Variants in PDE6A observed in about 807,000 individuals in gnomAD.
PDE6A encodes phosphodiesterase 6A.
A neutral mutation model predicts 106.3 loss-of-function variants in PDE6A; 84 were observed. The observed-to-expected ratio is 0.79, with a 90% CI of 0.66 to 0.95. The LOEUF (loss-of-function observed/expected upper bound fraction) is 0.95. PDE6A is among the 40% of genes least tolerant of loss of function. PDE6A has a pLI of 0.00. For missense variants in PDE6A, 1,052 were observed against 1,084.9 expected, an observed-to-expected ratio of 0.97 and a Z score of 0.43; for synonymous variants, 394 against 386.6, an observed-to-expected ratio of 1.02 and a Z score of -0.23.
intron 2 of PDE6A, among the ~76,000 whole-genome samples, chr5:149,934,298 A>C (rs951993562): frequency 1.3e-5 from 2 of 152,298 alleles, no homozygotes; most frequent in Non-Finnish European, 2.9e-5. Context: ...CATTTTACAA[A>C]TAAGAAAACC....
At chr5:149,930,444 C>T (rs1753998598) in intron 4 of PDE6A, among the ~76,000 whole-genome samples, 1 of 152,192 alleles carries the variant, frequency 6.6e-6, no homozygotes, top group African/African-American at 2.4e-5. Context: ...TGATTAGCCT[C>T]ATAAGGCAGA....
At chr5:149,906,163 T>A (rs1246801398) in intron 7 of PDE6A, among the ~76,000 whole-genome samples, 1 of 152,022 alleles carries the variant, frequency 6.6e-6, no homozygotes, top group East Asian at 1.9e-4. Context: ...CTGCCAGAGT[T>A]ATCTTTCTAA....
chr5:149,889,403 T>C (rs1182650261), intron 13 of PDE6A, among the ~76,000 whole-genome samples: 1 of 151,908 alleles, frequency 6.6e-6, no homozygotes, highest in Non-Finnish European at 1.5e-5. Context: ...CTATAAGTAT[T>C]TAACTTTCTG....
intron 12 of PDE6A, 36 bp downstream of exon 12, chr5:149,896,320 A>G: frequency 1.3e-6 from 2 of 1,550,726 alleles, no homozygotes; most frequent in Non-Finnish European, 1.8e-6. Flanking sequence ...AAAGAAAATT[A>G]AAAAGGGAAA....
At chr5:149,936,963 T>C (rs1754202922) in intron 1 of PDE6A, among the ~76,000 whole-genome samples, 1 of 152,042 alleles carries the variant, frequency 6.6e-6, no homozygotes, top group Non-Finnish European at 1.5e-5. Context: ...TAATATAAGG[T>C]GAACCTTACA....
chr5:149,866,417 T>A (rs1226699057), intron 19 of PDE6A, 164 bp from the exon 20 acceptor site: 1 of 602,554 alleles, frequency 1.7e-6, no homozygotes, highest in African/African-American at 1.9e-5. Context: ...AAGAACACCA[T>A]GAGGGTGTAA....
At chr5:149,925,984 G>C (rs1753855222) in intron 4 of PDE6A, among the ~76,000 whole-genome samples, 1 of 152,182 alleles carries the variant, frequency 6.6e-6, no homozygotes, top group African/African-American at 2.4e-5. Context: ...GCTCACACCT[G>C]TAATCCTAGC....
intron 4 of PDE6A, among the ~76,000 whole-genome samples, chr5:149,929,388 C>T (rs1196343697): frequency 3.9e-5 from 6 of 152,076 alleles, no homozygotes; most frequent in Admixed American, 1.3e-4. Flanking sequence ...AGGCGGATCA[C>T]GAGGTCGGGA....
At chr5:149,889,906 C>CA (rs577626508) in intron 13 of PDE6A, among the ~76,000 whole-genome samples, 4,943 of 81,558 alleles carry the variant, frequency 0.061, 133 homozygotes, top group African/African-American at 0.089. Flanking sequence ...GACTCTGTCT[C>CA]AAAAAAAAAA....
At chr5:149,909,285 C>T (rs774031679) in intron 6 of PDE6A, among the ~76,000 whole-genome samples, 16 of 152,094 alleles carry the variant, frequency 1.1e-4, no homozygotes, top group Non-Finnish European at 2.2e-4. Flanking sequence ...CTCAGCCTCA[C>T]GTGTAGGACT....
chr5:149,939,565 A>G (rs1203519304), intron 1 of PDE6A, among the ~76,000 whole-genome samples: 4 of 152,240 alleles, frequency 2.6e-5, no homozygotes, highest in African/African-American at 9.6e-5. Flanking sequence ...AGTAATAAGG[A>G]ACGGGAGCTG....
At chr5:149,887,717 C>T (rs1272581759) in intron 13 of PDE6A, among the ~76,000 whole-genome samples, 2 of 152,088 alleles carry the variant, frequency 1.3e-5, no homozygotes, top group South Asian at 2.1e-4. Flanking sequence ...CCTATCATAT[C>T]TTGCTGGGCA....
At chr5:149,906,841 G>A (rs572508914) in intron 7 of PDE6A, among the ~76,000 whole-genome samples, 5 of 151,680 alleles carry the variant, frequency 3.3e-5, no homozygotes, top group East Asian at 1.9e-4. Flanking sequence ...GCATGATTTC[G>A]GCTCACTGCA....
chr5:149,927,423 C>T (rs1753894478), intron 4 of PDE6A, among the ~76,000 whole-genome samples: 1 of 151,998 alleles, frequency 6.6e-6, no homozygotes, highest in African/African-American at 2.4e-5. Context: ...TTAACCTTAG[C>T]TTACTGTAAT....
intron 14 of PDE6A, 32 bp from the exon 15 acceptor site, chr5:149,884,899 G>T (rs765817565): frequency 1.3e-6 from 2 of 1,518,420 alleles, no homozygotes; most frequent in Admixed American, 1.7e-5. Flanking sequence ...TCAATATGGA[G>T]TGGACAATAG....
intron 5 of PDE6A, 70 bp from the exon 6 acceptor site, chr5:149,915,077 C>G: frequency 1.0e-6 from 1 of 982,712 alleles, no homozygotes; most frequent in Non-Finnish European, 1.5e-6. Flanking sequence ...CTTTGTCGCC[C>G]AGGCTGGAGT....
chr5:149,876,591 C>T (rs1444884090), intron 17 of PDE6A, among the ~76,000 whole-genome samples: 2 of 152,082 alleles, frequency 1.3e-5, no homozygotes. Flanking sequence ...CAAACTCCGC[C>T]TCCCCGGTTC....
chr5:149,911,449 C>G (rs2113622838), intron 6 of PDE6A, among the ~76,000 whole-genome samples: 1 of 152,308 alleles, frequency 6.6e-6, no homozygotes, highest in Admixed American at 6.5e-5. Context: ...TCTAGAATCT[C>G]AAATAAAGCC....
chr5:149,900,375 G>GTATGTATATATATATA (rs1554089230), intron 8 of PDE6A, among the ~76,000 whole-genome samples: 3 of 82,584 alleles, frequency 3.6e-5, no homozygotes, highest in Non-Finnish European at 4.8e-5. Context: ...AAATATATAT[G>GTATGTATATATATATA]TATATATATA....
Sources: gnomAD v4.1 joint callset for allele counts (sites outside exome capture counted in the v4.1 genomes callset) on GRCh38, gnomAD v4.1.1 for gene constraint, MANE v1.5 for transcripts, NCBI Gene and HGNC (gene_info 2026-07-23, HGNC 2026-07-21) for gene names.